ENTREP2: variants seen among roughly 807,000 people sequenced by gnomAD.
The protein encoded by ENTREP2 is endosomal transmembrane epsin interactor 2.
chr15:29,490,723 G>A, the ENTREP2 span, among the ~76,000 whole-genome samples: 1 of 152,184 alleles, frequency 6.6e-6, no homozygotes, highest in Non-Finnish European at 1.5e-5. Flanking sequence ...GCTAGACACA[G>A]AGTGCTGACT....
At chr15:29,316,178 G>A in the ENTREP2 span, among the ~76,000 whole-genome samples, 1 of 152,102 alleles carries the variant, frequency 6.6e-6, no homozygotes, top group Non-Finnish European at 1.5e-5. Context: ...AATGAAATAA[G>A]TGAACCAGTA....
the ENTREP2 span, among the ~76,000 whole-genome samples, chr15:29,142,888 C>T: frequency 6.6e-6 from 1 of 152,044 alleles, no homozygotes; most frequent in East Asian, 1.9e-4. Context: ...AATGACATTA[C>T]AGACACTTAA....
the ENTREP2 span, chr15:29,268,785 C>T: frequency 6.3e-7 from 1 of 1,593,228 alleles, no homozygotes; most frequent in Non-Finnish European, 8.6e-7. Context: ...CCTCTGAATC[C>T]ACCTTTCAAG....
the ENTREP2 span, chr15:29,136,242 A>T: frequency 9.3e-7 from 1 of 1,072,458 alleles, no homozygotes; most frequent in Non-Finnish European, 1.3e-6. Context: ...CAGGGCGCTC[A>T]TGAGTGTTCA....
At chr15:29,362,998 T>G in the ENTREP2 span, among the ~76,000 whole-genome samples, 1 of 152,202 alleles carries the variant, frequency 6.6e-6, no homozygotes, top group Non-Finnish European at 1.5e-5. Flanking sequence ...TCCATTTTCA[T>G]AAACGAGGTG....
At chr15:29,517,258 G>T in the ENTREP2 span, among the ~76,000 whole-genome samples, 1 of 152,138 alleles carries the variant, frequency 6.6e-6, no homozygotes, top group Admixed American at 6.5e-5. Flanking sequence ...GCCAGACACT[G>T]CCCTAAGTGC....
At chr15:29,148,179 C>T in the ENTREP2 span, among the ~76,000 whole-genome samples, 1 of 152,102 alleles carries the variant, frequency 6.6e-6, no homozygotes. Context: ...GCTATAGGGT[C>T]TCTCTTGGGG....
the ENTREP2 span, among the ~76,000 whole-genome samples, chr15:29,194,212 A>G: frequency 1.3e-5 from 2 of 152,256 alleles, no homozygotes; most frequent in African/African-American, 2.4e-5. Context: ...CTCGCTTCCA[A>G]TAGTCCCTGG....
the ENTREP2 span, among the ~76,000 whole-genome samples, chr15:29,360,911 G>A: frequency 6.6e-6 from 1 of 152,244 alleles, no homozygotes; most frequent in African/African-American, 2.4e-5. Flanking sequence ...GAAGCCAGGA[G>A]TGCTGGAGCA....
At chr15:29,321,532 C>T in the ENTREP2 span, among the ~76,000 whole-genome samples, 3 of 151,440 alleles carry the variant, frequency 2.0e-5, no homozygotes, top group Admixed American at 6.6e-5. Flanking sequence ...ACCTATAATC[C>T]CAGGTACTCG....
At chr15:29,289,854 T>G in the ENTREP2 span, among the ~76,000 whole-genome samples, 1 of 152,046 alleles carries the variant, frequency 6.6e-6, no homozygotes, top group South Asian at 2.1e-4. Flanking sequence ...TCAAAAAATA[T>G]ATATATACAT....
chr15:29,659,087 A>AT, the ENTREP2 span, among the ~76,000 whole-genome samples: 46 of 151,828 alleles, frequency 3.0e-4, no homozygotes, highest in Admixed American at 2.0e-3. Flanking sequence ...AAAATTCCTG[A>AT]TTTTTTTTTC....
the ENTREP2 span, among the ~76,000 whole-genome samples, chr15:29,517,888 C>G: frequency 6.6e-6 from 1 of 152,154 alleles, no homozygotes; most frequent in East Asian, 1.9e-4. Flanking sequence ...TTACCATAAT[C>G]AAGCTAATTA....
the ENTREP2 span, among the ~76,000 whole-genome samples, chr15:29,604,731 G>GA: frequency 2.0e-5 from 3 of 151,942 alleles, no homozygotes. Context: ...ATTTCCCTAG[G>GA]AAAAAAAGAA....
the ENTREP2 span, among the ~76,000 whole-genome samples, chr15:29,302,032 G>A: frequency 6.6e-6 from 1 of 151,874 alleles, no homozygotes; most frequent in African/African-American, 2.4e-5. Flanking sequence ...AGACACCCGG[G>A]GTCTTTGTTT....
the ENTREP2 span, among the ~76,000 whole-genome samples, chr15:29,525,320 C>T: frequency 2.0e-5 from 3 of 152,210 alleles, no homozygotes; most frequent in East Asian, 3.9e-4. Context: ...AGCAGCATCA[C>T]GCATAACAAC....
the ENTREP2 span, among the ~76,000 whole-genome samples, chr15:29,394,028 C>A: frequency 6.6e-6 from 1 of 152,162 alleles, no homozygotes; most frequent in African/African-American, 2.4e-5. Context: ...GACAAGGATT[C>A]CATTCACAAA....
the ENTREP2 span, among the ~76,000 whole-genome samples, chr15:29,518,719 C>T: frequency 2.0e-5 from 3 of 152,260 alleles, no homozygotes; most frequent in Non-Finnish European, 2.9e-5. Context: ...GGGAAACCCA[C>T]GCTGAAGGAA....
the ENTREP2 span, among the ~76,000 whole-genome samples, chr15:29,402,472 G>A: frequency 6.6e-6 from 1 of 151,910 alleles, no homozygotes; most frequent in African/African-American, 2.4e-5. Context: ...TGCATCACCC[G>A]GCTGATTTTT....
Sources: allele counts gnomAD v4.1 joint callset (sites outside exome capture counted in the v4.1 genomes callset), GRCh38; gene constraint gnomAD v4.1.1; transcripts MANE v1.5; gene names NCBI Gene and HGNC (gene_info 2026-07-23, HGNC 2026-07-21).